COBLL1: variants seen among roughly 807,000 people sequenced by gnomAD.
The protein encoded by COBLL1 is cordon-bleu protein-like 1.
COBLL1 carries 50 observed loss-of-function variants against 94.8 expected under a neutral mutation model. The ratio of observed to expected loss-of-function variants is 0.53; its 90% CI spans 0.42 to 0.67. The LOEUF is 0.67. COBLL1 is among the 30% of genes least tolerant of loss of function. The probability of loss-of-function intolerance (pLI) is 0.00; values close to 1 mark genes in which losing one functional copy is unlikely to be tolerated. For synonymous variants in COBLL1, 448 were observed against 473.8 expected (o/e 0.95, Z 0.71); for missense variants, 1,362 against 1,348.7 (o/e 1.01, Z -0.15).
intron 2 of COBLL1, among the ~76,000 whole-genome samples, chr2:164,805,189 C>T (rs1684029602): frequency 1.3e-5 from 2 of 149,902 alleles, no homozygotes; most frequent in Admixed American, 1.3e-4. Flanking sequence ...TCCTCCCTAG[C>T]ACACACATAC....
chr2:164,671,276 GC>G, intron 1 of COBLL1, among the ~76,000 whole-genome samples: 1 of 149,354 alleles, frequency 6.7e-6, no homozygotes, highest in Non-Finnish European at 1.5e-5. Context: ...GGTTCTACTT[GC>G]ACACCAGTTC....
chr2:164,743,535 C>T, intron 3 of COBLL1, 152 bp downstream of exon 3: 1 of 631,852 alleles, frequency 1.6e-6, no homozygotes, highest in South Asian at 2.2e-5. Context: ...ATTTTTAACA[C>T]CATTTTAGCA....
chr2:164,837,739 T>A (rs535350495), intron 2 of COBLL1, among the ~76,000 whole-genome samples: 1 of 152,182 alleles, frequency 6.6e-6, no homozygotes, highest in Non-Finnish European at 1.5e-5. Context: ...TAAAGTTGCA[T>A]GCAATCTTTT....
rs1012503008 is a variant in COBLL1, at chr2:164,682,901, C to T, written c.*3045G>A. ...AATGGCTAACAGAAATACGATCGAT[C>T]TGTATGTGTAAAAAGAAAAGCTCTT... On this transcript the variant is annotated 3_prime_UTR_variant, in exon 14 of 14. Transcript: ENST00000652658. The T allele has an allele frequency of 1.3e-4, 20 of 151,858 alleles. No homozygotes were observed. The highest frequency in any genetic ancestry group is 3.9e-4 in the African/African-American group (16 of 41,350). The allele number at this position is 151,858 out of a possible 1,614,324, so 9.4% of individuals were successfully genotyped here. A position where few individuals can be genotyped will look rare whatever the true frequency, so the allele number is the denominator to read the frequency against.
At chr2:164,686,359 A>C (rs1276260306) in intron 13 of COBLL1, among the ~76,000 whole-genome samples, 1 of 152,182 alleles carries the variant, frequency 6.6e-6, no homozygotes, top group Non-Finnish European at 1.5e-5. Context: ...TAATTCTGTA[A>C]TTCTGGCTCC....
chr2:164,837,552 A>T (rs1234657938), intron 2 of COBLL1: 2 of 435,318 alleles, frequency 4.6e-6, no homozygotes, highest in Non-Finnish European at 9.3e-6. Context: ...AGAAACAAAT[A>T]TAAAAATGAT....
In COBLL1 at chr2:164,694,849, AT is replaced by A. The variant is rs760478946; in HGVS notation, c.2542del (p.Ile848PhefsTer33). On this transcript the variant is annotated frameshift_variant, in exon 12 of 14. Coordinates refer to ENST00000652658, the MANE Select transcript of COBLL1 (RefSeq NM_001365672.2). LOFTEE classifies it high-confidence loss of function. ...CCGAGATTTAAATTTTGATTCCAAAATATTGTTTATTTCTTCCAAATTTGGT... is the reference window on the plus strand; with the variant it reads ...CCGAGATTTAAATTTTGATTCCAAAAATTGTTTATTTCTTCCAAATTTGGT... ...FAPNLEEINN[I>X]LESKFKSRAS... 1 of 1,613,884 alleles carries A rather than the reference AT, an allele frequency of 6.2e-7. No homozygotes were observed. The highest frequency in any genetic ancestry group is 8.5e-7 in the Non-Finnish European group (1 of 1,179,936).
Position 164,722,213 on chromosome 2 carries a change from C to A in COBLL1, c.858G>T (p.Pro286=). The A allele has an allele frequency of 6.2e-7, 1 of 1,613,956 alleles. No homozygotes were observed. Residue 286 remains proline, a synonymous_variant, in exon 7 of 14, where the codon CCG becomes CCT. Transcript: ENST00000652658. ...CCCGCCTCTTCTTGGGTGCATCCGA[C>A]GGCAGGGTGTTGGAAATATATGGTT... is the stretch of plus-strand genomic sequence containing the variant. ...ISKPYISNTL[P]SDAPKKRRAP... is the part of the protein sequence containing the mutation.
intron 13 of COBLL1, among the ~76,000 whole-genome samples, chr2:164,691,136 G>T (rs1486382771): frequency 6.6e-6 from 1 of 152,096 alleles, no homozygotes; most frequent in East Asian, 1.9e-4. Flanking sequence ...TGTTTGCCCA[G>T]ACAGGGTGCC....
At chr2:164,818,764 G>T (rs1337537975) in intron 2 of COBLL1, among the ~76,000 whole-genome samples, 1 of 131,876 alleles carries the variant, frequency 7.6e-6, no homozygotes, top group Non-Finnish European at 1.6e-5. Context: ...ATGTACTTAT[G>T]TAAACATATA....
At chr2:164,809,731 C>T (rs1684368003) in intron 2 of COBLL1, among the ~76,000 whole-genome samples, 1 of 151,938 alleles carries the variant, frequency 6.6e-6, no homozygotes, top group Non-Finnish European at 1.5e-5. Context: ...CTGGAGTCAG[C>T]ATCTTTTAAT....
At chr2:164,762,460 A>G (rs6748091) in intron 2 of COBLL1, among the ~76,000 whole-genome samples, 18,411 of 152,208 alleles carry the variant, frequency 0.12, 1,592 homozygotes, top group African/African-American at 0.25. Flanking sequence ...GGAACTAGAA[A>G]AGAGTGCTGG....
chr2:164,800,776 T>C (rs1683734462), intron 2 of COBLL1, among the ~76,000 whole-genome samples: 1 of 152,206 alleles, frequency 6.6e-6, no homozygotes, highest in Admixed American at 6.5e-5. Flanking sequence ...AAAGGCATTA[T>C]ACCGAGTGAA....
intron 2 of COBLL1, among the ~76,000 whole-genome samples, chr2:164,815,999 A>G (rs1164083329): frequency 6.6e-6 from 1 of 152,190 alleles, no homozygotes; most frequent in Non-Finnish European, 1.5e-5. Context: ...GCTAATGTAG[A>G]TAAAAAGAGA....
In COBLL1 at chr2:164,694,700, C is replaced by T. The variant is rs866130430; in HGVS notation, c.2692G>A (p.Glu898Lys). The T allele has an allele frequency of 6.2e-7, 1 of 1,613,768 alleles. No individual in the cohort carries two copies. The highest frequency in any genetic ancestry group is 8.5e-7 in the Non-Finnish European group (1 of 1,179,942). The change falls in exon 12 of 14, where the codon GAA (glutamate) becomes AAA (lysine). Residue 898 changes from glutamate (E) to lysine (K), a missense_variant. Transcript: ENST00000652658. ...VHAAPNPAPK[E>K]LTNKEAERDM... Reference sequence around the variant, plus strand: ...CTTTCTGCCTCTTTATTTGTCAGTTCTTTTGGAGCAGGATTAGGGGCAGCA... The same window carrying T: ...CTTTCTGCCTCTTTATTTGTCAGTTTTTTTGGAGCAGGATTAGGGGCAGCA...
At chr2:164,665,160 A>G (rs1410284126) in intron 2 of COBLL1, among the ~76,000 whole-genome samples, 1 of 152,032 alleles carries the variant, frequency 6.6e-6, no homozygotes, top group African/African-American at 2.4e-5. Flanking sequence ...GCAAAACGCC[A>G]TCTCTACTAA....
At chr2:164,747,806 A>G (rs1018797782) in intron 2 of COBLL1, among the ~76,000 whole-genome samples, 1 of 152,140 alleles carries the variant, frequency 6.6e-6, no homozygotes, top group African/African-American at 2.4e-5. Flanking sequence ...AAAACATCCT[A>G]ATGTTCTCAG....
At chr2:164,830,213 C>A (rs1016768091) in intron 2 of COBLL1, among the ~76,000 whole-genome samples, 9 of 152,150 alleles carry the variant, frequency 5.9e-5, no homozygotes, top group African/African-American at 1.9e-4. Context: ...TTTGTGGTAC[C>A]TTTGTGTTCA....
chr2:164,665,094 G>A (rs551511027), intron 2 of COBLL1, among the ~76,000 whole-genome samples: 1 of 152,332 alleles, frequency 6.6e-6, no homozygotes, highest in African/African-American at 2.4e-5. Context: ...ACTTTGGGAG[G>A]CCAAGGCGAG....
Sources: allele counts gnomAD v4.1 joint callset (sites outside exome capture counted in the v4.1 genomes callset), GRCh38; gene constraint gnomAD v4.1.1; transcripts MANE v1.5; gene names NCBI Gene and HGNC (gene_info 2026-07-23, HGNC 2026-07-21).